The following STK32B variants were observed in gnomAD, a reference collection of about 807,000 sequenced individuals.
STK32B encodes serine/threonine kinase 32B.
STK32B carries 43 observed loss-of-function variants against 52.6 expected under a neutral mutation model. The observed-to-expected ratio is 0.82, with a 90% CI of 0.64 to 1.05. The LOEUF (loss-of-function observed/expected upper bound fraction) is 1.05, where lower values mean the gene tolerates loss of function less well. Ranked by LOEUF, STK32B falls within the 50% of genes least tolerant of loss-of-function variation. The probability of loss-of-function intolerance (pLI) is 0.00; values close to 1 mark genes in which losing one functional copy is unlikely to be tolerated. For synonymous variants in STK32B, 238 were observed against 204.3 expected, an observed-to-expected ratio of 1.17 and a Z score of -1.41; for missense variants, 621 against 534.6, an observed-to-expected ratio of 1.16 and a Z score of -1.59.
At chr4:5,090,470 G>T (rs1192448869) in intron 1 of STK32B, among the ~76,000 whole-genome samples, 4 of 147,260 alleles carry the variant, frequency 2.7e-5, no homozygotes, top group African/African-American at 1.0e-4. Flanking sequence ...CTGCCTCCCA[G>T]GTTCACGCCG....
chr4:5,254,885 T>C (rs962795268), intron 3 of STK32B, among the ~76,000 whole-genome samples: 1 of 151,896 alleles, frequency 6.6e-6, no homozygotes, highest in African/African-American at 2.4e-5. Flanking sequence ...TTCTTTGTTT[T>C]TCTTTTGAGT....
chr4:5,046,687 C>T (rs371475975), upstream of STK32B, among the ~76,000 whole-genome samples: 10 of 151,684 alleles, frequency 6.6e-5, no homozygotes, highest in Admixed American at 3.9e-4. Flanking sequence ...GGATATGAAC[C>T]GACACTTCTC....
intron 7 of STK32B, among the ~76,000 whole-genome samples, chr4:5,452,938 C>T (rs556008700): frequency 2.1e-4 from 32 of 152,146 alleles, no homozygotes; most frequent in African/African-American, 7.5e-4. Context: ...TATCCTAAGG[C>T]CAGCGAGTGA....
chr4:5,157,147 G>A (rs1158589033), intron 2 of STK32B, among the ~76,000 whole-genome samples: 1 of 152,086 alleles, frequency 6.6e-6, no homozygotes, highest in African/African-American at 2.4e-5. Context: ...CCTTAAAAAT[G>A]TATTCTTTTA....
At chr4:5,067,299 A>C (rs1236322862) in intron 1 of STK32B, among the ~76,000 whole-genome samples, 2 of 152,146 alleles carry the variant, frequency 1.3e-5, no homozygotes, top group African/African-American at 4.8e-5. Context: ...ACACATGGGA[A>C]TTATGGGAGC....
Position 5,470,177 on chromosome 4 carries a change from T to G in STK32B, c.1106+2107T>G, listed in dbSNP as rs929202260. 1.2e-4 allele frequency among the ~76,000 whole-genome samples: 18 copies of G among 152,328 alleles called. No homozygotes were observed. The highest frequency in any genetic ancestry group is 4.1e-4 in the African/African-American group (17 of 41,576). ...TCATTTAGGAGTTGCGTCTGCTGCT[T>G]TTAGCAGAAACCTCACTATATAGGA... On this transcript the variant is annotated intron_variant, in intron 11 of 11. Transcript: ENST00000282908. This position sits in a 1 kb window ranked among gnomAD's most constrained non-coding sequence, Gnocchi z 4.6.
At chr4:5,145,975 T>C (rs571261397) in intron 2 of STK32B, among the ~76,000 whole-genome samples, 3 of 152,128 alleles carry the variant, frequency 2.0e-5, no homozygotes, top group African/African-American at 7.2e-5. Context: ...AAAAGTTTTA[T>C]AGAGTTAGCT....
At chr4:5,074,914 G>T (rs992418137) in intron 1 of STK32B, among the ~76,000 whole-genome samples, 1 of 152,038 alleles carries the variant, frequency 6.6e-6, no homozygotes, top group Non-Finnish European at 1.5e-5. Flanking sequence ...CTGGGACTTG[G>T]TACTTACTCT....
chr4:5,063,616 A>G (rs1048214697), intron 1 of STK32B, among the ~76,000 whole-genome samples: 3 of 152,156 alleles, frequency 2.0e-5, no homozygotes, highest in Non-Finnish European at 4.4e-5. Context: ...GTGCTGGCCA[A>G]CTTTCAATGT....
chr4:5,080,063 C>CTAG (rs1316012026), intron 1 of STK32B, among the ~76,000 whole-genome samples: 6 of 151,836 alleles, frequency 4.0e-5, no homozygotes, highest in African/African-American at 7.3e-5. Flanking sequence ...ACTAGAGTTA[C>CTAG]TAATAGTGTA....
intron 2 of STK32B, among the ~76,000 whole-genome samples, chr4:5,145,096 A>G (rs757946214): frequency 1.6e-4 from 24 of 152,176 alleles, no homozygotes; most frequent in Admixed American, 1.5e-3. Flanking sequence ...GGTTGACTGC[A>G]TACCCATATG....
chr4:5,022,717 G>A, the STK32B span, among the ~76,000 whole-genome samples: 1 of 152,204 alleles, frequency 6.6e-6, no homozygotes, highest in African/African-American at 2.4e-5. Context: ...GTAGATATCG[G>A]CCATTGCCTT....
In STK32B at chr4:5,364,865, A is replaced by C. The variant is rs558828806; in HGVS notation, c.435-33342A>C. 2.0e-5 allele frequency among the ~76,000 whole-genome samples: 3 copies of C among 151,248 alleles called. No individual in the cohort carries two copies. In the South Asian group the frequency reaches 6.3e-4, roughly 32 times the overall value. On this transcript the variant is annotated intron_variant, in intron 4 of 11. Transcript: ENST00000282908. ...GCATTCTAGCAACCCTGCCTGGAAAAAAATGTTATTATTATTAATTATTAT... is the reference window on the plus strand; with the variant it reads ...GCATTCTAGCAACCCTGCCTGGAAACAAATGTTATTATTATTAATTATTAT...
chr4:5,180,425 T>C (rs1209557099), intron 3 of STK32B, among the ~76,000 whole-genome samples: 2 of 152,210 alleles, frequency 1.3e-5, no homozygotes, highest in Admixed American at 6.5e-5. Context: ...AACTGAGTCA[T>C]GTCACTAGTA....
At chr4:5,318,503 A>T in intron 3 of STK32B, among the ~76,000 whole-genome samples, 1 of 152,146 alleles carries the variant, frequency 6.6e-6, no homozygotes, top group East Asian at 1.9e-4. Context: ...ATAAAATGAA[A>T]TTGGAGAGTC....
At chr4:5,477,304 T>C (rs902381073) in intron 11 of STK32B, among the ~76,000 whole-genome samples, 2 of 152,180 alleles carry the variant, frequency 1.3e-5, no homozygotes, top group Non-Finnish European at 2.9e-5. Context: ...CTAGCTGTTA[T>C]CACACACCCT....
intron 3 of STK32B, among the ~76,000 whole-genome samples, chr4:5,219,009 A>G (rs942633443): frequency 2.6e-5 from 4 of 152,090 alleles, no homozygotes; most frequent in African/African-American, 9.7e-5. Flanking sequence ...GACCAGCCCC[A>G]AATTGTGGGG....
chr4:5,079,210 A>G (rs55952359), intron 1 of STK32B, among the ~76,000 whole-genome samples: 22 of 152,300 alleles, frequency 1.4e-4, no homozygotes, highest in African/African-American at 5.1e-4. Context: ...TTATTTAACT[A>G]TATTCCTATT....
At chr4:5,468,225 A>G (rs866401271) in intron 11 of STK32B, among the ~76,000 whole-genome samples, 155 bp downstream of exon 11, 1 of 151,850 alleles carries the variant, frequency 6.6e-6, no homozygotes, top group Non-Finnish European at 1.5e-5. Flanking sequence ...GGGGGGTGAA[A>G]CTCCTGGATT....
Sources: gnomAD v4.1 joint callset for allele counts (sites outside exome capture counted in the v4.1 genomes callset) on GRCh38, gnomAD v4.1.1 for gene constraint, Gnocchi (gnomAD v3.1) non-coding constraint, MANE v1.5 for transcripts, NCBI Gene and HGNC (gene_info 2026-07-23, HGNC 2026-07-21) for gene names.